Variants in HHLA2 observed in about 807,000 individuals in gnomAD.
The protein encoded by HHLA2 is HHLA2 member of B7 family.
A neutral mutation model predicts 45.9 loss-of-function variants in HHLA2; 48 were observed. That is an observed-to-expected ratio of 1.05 (90% confidence interval 0.83 to 1.33). The LOEUF is 1.33. Ranked by LOEUF, HHLA2 falls within the 40% of genes most tolerant of loss-of-function variation. HHLA2 has a pLI of 0.00. For missense variants in HHLA2, 462 were observed against 494.3 expected (o/e 0.93, Z 0.62); for synonymous variants, 161 against 173.9 (o/e 0.93, Z 0.59).
At chr3:108,323,412 AT>A (rs1366041591) in intron 2 of HHLA2, among the ~76,000 whole-genome samples, 1 of 152,152 alleles carries the variant, frequency 6.6e-6, no homozygotes, top group African/African-American at 2.4e-5. Flanking sequence ...CTGTGTACCC[AT>A]AAAAATTTAA....
intron 1 of HHLA2, among the ~76,000 whole-genome samples, chr3:108,298,988 G>A (rs972597861): frequency 5.3e-5 from 8 of 152,160 alleles, no homozygotes; most frequent in Non-Finnish European, 1.0e-4. Flanking sequence ...CACCACCTTC[G>A]AGAAATGAGA....
chr3:108,355,882 C>A (rs2081880373), intron 6 of HHLA2, among the ~76,000 whole-genome samples: 1 of 152,102 alleles, frequency 6.6e-6, no homozygotes, highest in South Asian at 2.1e-4. Context: ...TTATCCAACA[C>A]CTCTATCACA....
chr3:108,324,618 A>G (rs1283949999), intron 2 of HHLA2, among the ~76,000 whole-genome samples: 8 of 152,300 alleles, frequency 5.3e-5, no homozygotes, highest in East Asian at 1.9e-4. Flanking sequence ...TCTAGCTTCT[A>G]TGGTAATCCT....
intron 3 of HHLA2, among the ~76,000 whole-genome samples, chr3:108,340,538 C>A (rs73205910): frequency 0.04 from 6,126 of 152,242 alleles, 175 homozygotes; most frequent in Non-Finnish European, 0.053. Context: ...TATATCTGGG[C>A]AGCTTGATTT....
chr3:108,302,954 T>C (rs1042383050), intron 1 of HHLA2, among the ~76,000 whole-genome samples: 1 of 152,230 alleles, frequency 6.6e-6, no homozygotes, highest in Non-Finnish European at 1.5e-5. Flanking sequence ...TGTTGTCTTT[T>C]GTGGAGAAGT....
rs913734622 is a variant in HHLA2 at position 108,377,152 on chromosome 3, T to A, written c.1225-106T>A. The A allele has an allele frequency of 5.5e-6, 4 of 728,994 alleles. No homozygotes were observed. The African/African-American group carries it at 7.2e-5, about 13-fold the overall frequency. 45.2% of individuals were successfully genotyped at this position (728,994 alleles called of 1,614,324 possible). The stretch of plus-strand genomic sequence containing the variant: ...TCAGATGCAAGCAATAGACTAAAGC[T>A]TTTTGCCGCCCACCCCAAAACACTA... On this transcript the variant is annotated intron_variant, in intron 10 of 10. Coordinates refer to ENST00000619531, the Ensembl canonical transcript of HHLA2.
At chr3:108,300,018 G>A (rs908852986) in intron 1 of HHLA2, among the ~76,000 whole-genome samples, 6 of 152,244 alleles carry the variant, frequency 3.9e-5, no homozygotes, top group South Asian at 4.2e-4. Flanking sequence ...GGGAAATGGC[G>A]CTTTGGGGAA....
intron 2 of HHLA2, among the ~76,000 whole-genome samples, chr3:108,321,559 CTT>C (rs1446686749): frequency 1.3e-5 from 2 of 152,040 alleles, no homozygotes; most frequent in Non-Finnish European, 2.9e-5. Context: ...TTTCTATTAG[CTT>C]TTTTCTCCTG....
At chr3:108,327,346 C>T (rs1379209245) in intron 2 of HHLA2, among the ~76,000 whole-genome samples, 1 of 152,132 alleles carries the variant, frequency 6.6e-6, no homozygotes, top group African/African-American at 2.4e-5. Flanking sequence ...CTTCTTGAAT[C>T]TGTGAATTAA....
chr3:108,377,397 T>G, exon 11 of HHLA2: 1 of 695,336 alleles, frequency 1.4e-6, no homozygotes, highest in Non-Finnish European at 2.5e-6. Flanking sequence ...ATTCTACCAC[T>G]GCAAAGAGTT....
At chr3:108,370,382 C>T (rs910923399) in intron 8 of HHLA2, among the ~76,000 whole-genome samples, 14 of 152,102 alleles carry the variant, frequency 9.2e-5, no homozygotes, top group African/African-American at 3.1e-4. Flanking sequence ...GGGGAAAAAA[C>T]AGAGCAGAAA....
chr3:108,301,447 G>A (rs1387422928), intron 1 of HHLA2, among the ~76,000 whole-genome samples: 1 of 151,986 alleles, frequency 6.6e-6, no homozygotes, highest in Non-Finnish European at 1.5e-5. Flanking sequence ...TGTTGTTCTT[G>A]AGGCATTTCT....
At chr3:108,333,750 A>G (rs1193890661) in intron 3 of HHLA2, among the ~76,000 whole-genome samples, 2 of 152,210 alleles carry the variant, frequency 1.3e-5, no homozygotes, top group Admixed American at 1.3e-4. Flanking sequence ...TCTGTATTCA[A>G]TGAGCTAGCC....
chr3:108,319,523 A>G (rs528778075), intron 2 of HHLA2, among the ~76,000 whole-genome samples: 20 of 152,234 alleles, frequency 1.3e-4, no homozygotes, highest in African/African-American at 4.8e-4. Context: ...CCAAAATAAT[A>G]CACACACACA....
At chr3:108,343,642 C>T (rs2081613824) in intron 3 of HHLA2, among the ~76,000 whole-genome samples, 2 of 152,178 alleles carry the variant, frequency 1.3e-5, no homozygotes, top group South Asian at 4.1e-4. Flanking sequence ...AGGTCACCCG[C>T]CCCAGCACCT....
chr3:108,335,501 G>A (rs1213913615), intron 3 of HHLA2, among the ~76,000 whole-genome samples: 1 of 152,200 alleles, frequency 6.6e-6, no homozygotes, highest in Non-Finnish European at 1.5e-5. Flanking sequence ...AGAATGTTGG[G>A]TAATACATGT....
intron 2 of HHLA2, among the ~76,000 whole-genome samples, 196 bp downstream of exon 2, chr3:108,310,937 C>CCAGA (rs1156526659): frequency 6.6e-6 from 1 of 152,134 alleles, no homozygotes; most frequent in African/African-American, 2.4e-5. Flanking sequence ...CCAAAATGCA[C>CCAGA]TATAAATCTG....
In HHLA2 at chr3:108,298,033, A is replaced by G. The variant is rs570838591; in HGVS notation, c.-192+1434A>G. Among the ~76,000 whole-genome samples, 5 of 152,292 alleles carry G rather than the reference A, an allele frequency of 3.3e-5. No individual in the cohort carries two copies. In the East Asian group the frequency reaches 9.6e-4, roughly 29 times the overall value. On this transcript the variant is annotated intron_variant, in intron 1 of 10. Coordinates refer to ENST00000619531, the Ensembl canonical transcript of HHLA2. ...TCTTTGAGGCTTTGAATGTCTGTCT[A>G]ACTGACTTCTGACTGCAGGCATGCA...
chr3:108,358,489 A>G (rs1370606657), intron 7 of HHLA2, among the ~76,000 whole-genome samples: 1 of 152,100 alleles, frequency 6.6e-6, no homozygotes, highest in Non-Finnish European at 1.5e-5. Context: ...CCTTAGGCCT[A>G]GGGTTTGGGG....
Sources: gnomAD v4.1 joint callset for allele counts (sites outside exome capture counted in the v4.1 genomes callset) on GRCh38, gnomAD v4.1.1 for gene constraint, MANE v1.5 for transcripts, NCBI Gene and HGNC (gene_info 2026-07-23, HGNC 2026-07-21) for gene names.